Variants in RNF180 observed in about 807,000 individuals in gnomAD.
The protein encoded by RNF180 is ring finger protein 180.
Under a neutral mutation model 59.2 loss-of-function variants are expected in RNF180, and 38 were observed. The ratio of observed to expected loss-of-function variants is 0.64; its 90% CI spans 0.50 to 0.84. RNF180 has a LOEUF of 0.84. RNF180 is among the 40% of genes least tolerant of loss of function. RNF180 has a pLI of 0.00. For missense variants in RNF180, 705 were observed against 700.9 expected, an observed-to-expected ratio of 1.01 and a Z score of -0.07; for synonymous variants, 262 against 240.3, an observed-to-expected ratio of 1.09 and a Z score of -0.84.
intron 1 of RNF180, among the ~76,000 whole-genome samples, chr5:64,171,945 T>A (rs1749958232): frequency 6.6e-6 from 1 of 152,130 alleles, no homozygotes; most frequent in South Asian, 2.1e-4. Flanking sequence ...GTAAAAGACC[T>A]CACAGAGTTG....
intron 1 of RNF180, among the ~76,000 whole-genome samples, chr5:64,174,604 A>G (rs1750128370): frequency 1.3e-5 from 2 of 152,018 alleles, no homozygotes; most frequent in African/African-American, 2.4e-5. Flanking sequence ...TTGGCCATTT[A>G]TATGTCTTCT....
chr5:64,170,135 C>A (rs1749863278), intron 1 of RNF180, among the ~76,000 whole-genome samples: 1 of 152,228 alleles, frequency 6.6e-6, no homozygotes, highest in Non-Finnish European at 1.5e-5. Context: ...TAATGATACA[C>A]CCTGTGGGTG....
intron 5 of RNF180, among the ~76,000 whole-genome samples, chr5:64,312,758 C>T (rs1053881632): frequency 6.6e-6 from 1 of 152,084 alleles, no homozygotes; most frequent in Admixed American, 6.6e-5. Context: ...GTCCCTTAGA[C>T]GTGGTTGCAT....
At chr5:64,317,548 A>G (rs1744104641) in intron 5 of RNF180, among the ~76,000 whole-genome samples, 1 of 141,400 alleles carries the variant, frequency 7.1e-6, no homozygotes, top group Non-Finnish European at 1.5e-5. Flanking sequence ...GTATATTTAT[A>G]TATACATATA....
intron 5 of RNF180, among the ~76,000 whole-genome samples, chr5:64,294,940 G>T (rs971210080): frequency 6.6e-6 from 1 of 151,836 alleles, no homozygotes; most frequent in Non-Finnish European, 1.5e-5. Flanking sequence ...TTCAATTTTT[G>T]TCCCATCTTT....
intron 5 of RNF180, among the ~76,000 whole-genome samples, chr5:64,271,567 A>G (rs929217170): frequency 2.0e-5 from 3 of 152,054 alleles, no homozygotes; most frequent in Non-Finnish European, 2.9e-5. Flanking sequence ...AGAACACTCT[A>G]TGGCTTTCAC....
At chr5:64,286,675 TA>T (rs1414207033) in intron 5 of RNF180, among the ~76,000 whole-genome samples, 1 of 152,356 alleles carries the variant, frequency 6.6e-6, no homozygotes, top group Non-Finnish European at 1.5e-5. Context: ...TCTAGAGGCT[TA>T]AAATGAATAC....
chr5:64,203,703 A>T (rs777279616), intron 2 of RNF180, among the ~76,000 whole-genome samples: 2 of 152,124 alleles, frequency 1.3e-5, no homozygotes, highest in Admixed American at 1.3e-4. Context: ...GGGATAATTC[A>T]ATATCATGGT....
chr5:64,175,529 T>C (rs1750187625), intron 1 of RNF180, among the ~76,000 whole-genome samples: 1 of 152,200 alleles, frequency 6.6e-6, no homozygotes, highest in African/African-American at 2.4e-5. Context: ...AGTTTTGTAG[T>C]ATATTTTGAA....
chr5:64,343,127 C>T (rs1745423004), intron 7 of RNF180, among the ~76,000 whole-genome samples: 1 of 151,936 alleles, frequency 6.6e-6, no homozygotes, highest in African/African-American at 2.4e-5. Flanking sequence ...AATGTGACCA[C>T]TCATCAAAAA....
chr5:64,253,279 C>T lies in RNF180; in HGVS notation c.1227+35883C>T, dbSNP rs1247674613. On this transcript the variant is annotated intron_variant, in intron 5 of 7. Transcript: ENST00000389100. The stretch of plus-strand genomic sequence containing the variant: ...CTTAATTCCAAAAACTAAGGCATGT[C>T]AATGAAGTTTCTATCTCCTGTAAAA... Among the ~76,000 whole-genome samples, 7 of 152,204 alleles carry T rather than the reference C, an allele frequency of 4.6e-5. No homozygotes were observed. In the East Asian group the frequency reaches 1.2e-3, roughly 25 times the overall value.
intron 1 of RNF180, among the ~76,000 whole-genome samples, chr5:64,192,903 G>A (rs867834287): frequency 2.3e-4 from 22 of 93,888 alleles, no homozygotes; most frequent in Non-Finnish European, 2.7e-4. Flanking sequence ...AGTGTGGCAT[G>A]TATATATATA....
intron 5 of RNF180, among the ~76,000 whole-genome samples, chr5:64,289,229 T>C (rs1011413118): frequency 1.3e-5 from 2 of 152,168 alleles, no homozygotes; most frequent in African/African-American, 4.8e-5. Context: ...CCAAGAATCC[T>C]AGGGATAAAA....
intron 5 of RNF180, among the ~76,000 whole-genome samples, chr5:64,321,184 G>GA (rs199515522): frequency 1.3e-4 from 20 of 150,902 alleles, no homozygotes; most frequent in African/African-American, 3.2e-4. Context: ...CAGGCAAGAG[G>GA]AAAAAAAAAG....
chr5:64,234,578 C>CTTTTTTTTTTTTTTTTTTT (rs1171637074), intron 5 of RNF180, among the ~76,000 whole-genome samples: 1 of 48,524 alleles, frequency 2.1e-5, no homozygotes, highest in Non-Finnish European at 3.8e-5. Flanking sequence ...GTTACCCGTT[C>CTTTTTTTTTTTTTTTTTTT]TTTTTTTTTT....
At chr5:64,300,860 C>T (rs1235943435) in intron 5 of RNF180, among the ~76,000 whole-genome samples, 1 of 151,728 alleles carries the variant, frequency 6.6e-6, no homozygotes, top group East Asian at 1.9e-4. Flanking sequence ...ATCTCCTATT[C>T]ATTACCCTTG....
At chr5:64,351,633 A>G (rs919183439) in intron 7 of RNF180, among the ~76,000 whole-genome samples, 1 of 151,682 alleles carries the variant, frequency 6.6e-6, no homozygotes, top group Non-Finnish European at 1.5e-5. Flanking sequence ...AATTTTGTCA[A>G]AGGCCTTTTC....
chr5:64,335,408 T>G (rs946393925), intron 7 of RNF180, among the ~76,000 whole-genome samples: 1 of 152,108 alleles, frequency 6.6e-6, no homozygotes, highest in African/African-American at 2.4e-5. Flanking sequence ...TATTTTCTTA[T>G]GTATTTTTCA....
rs1030662707 is a variant in RNF180 at position 64,371,436 on chromosome 5, A to T, written c.*1622A>T. On this transcript the variant is annotated 3_prime_UTR_variant, in exon 8 of 8. Coordinates refer to ENST00000389100, the MANE Select transcript of RNF180 (RefSeq NM_001113561.2). ...GCAACTTCTGGTTTATACACTCTAGAAAATATATCTTGATTCATTCCTAAA... is the reference window on the plus strand; with the variant it reads ...GCAACTTCTGGTTTATACACTCTAGTAAATATATCTTGATTCATTCCTAAA... 2.4e-4 allele frequency: 36 copies of T among 151,606 alleles called. No homozygotes were observed. The highest frequency in any genetic ancestry group is 7.2e-4 in the African/African-American group (30 of 41,398). The allele number at this position is 151,606 out of a possible 1,614,324, so 9.4% of individuals were successfully genotyped here.
Sources: allele counts gnomAD v4.1 joint callset (sites outside exome capture counted in the v4.1 genomes callset), GRCh38; gene constraint gnomAD v4.1.1; transcripts MANE v1.5; gene names NCBI Gene and HGNC (gene_info 2026-07-23, HGNC 2026-07-21).